ICA1: variants seen among roughly 807,000 people sequenced by gnomAD.
ICA1 encodes islet cell autoantigen 1.
Under a neutral mutation model 71.0 loss-of-function variants are expected in ICA1, and 40 were observed. The observed-to-expected ratio is 0.56, with a 90% CI of 0.44 to 0.73. ICA1 has a LOEUF of 0.73. ICA1 is among the 30% of genes least tolerant of loss of function. The probability of loss-of-function intolerance (pLI) is 0.00; values close to 1 mark genes in which losing one functional copy is unlikely to be tolerated. For missense variants in ICA1, 578 were observed against 576.5 expected, an observed-to-expected ratio of 1.00 and a Z score of -0.03; for synonymous variants, 207 against 209.5, an observed-to-expected ratio of 0.99 and a Z score of 0.10.
At chr7:8,256,521 C>T (rs2128550823) in intron 1 of ICA1, among the ~76,000 whole-genome samples, 1 of 152,278 alleles carries the variant, frequency 6.6e-6, no homozygotes, top group South Asian at 2.1e-4. Flanking sequence ...GATTGCCTAA[C>T]TTAGAATTTA....
chr7:8,197,906 G>C (rs143066653), intron 6 of ICA1, among the ~76,000 whole-genome samples: 1 of 152,300 alleles, frequency 6.6e-6, no homozygotes, highest in East Asian at 1.9e-4. Context: ...TTTGGAAGTG[G>C]AAGTGATAGG....
At chr7:8,252,015 A>G (rs1393101485) in intron 1 of ICA1, among the ~76,000 whole-genome samples, 2 of 152,216 alleles carry the variant, frequency 1.3e-5, no homozygotes, top group African/African-American at 4.8e-5. Flanking sequence ...ACAAACCTAA[A>G]AGAAATCTAG....
intron 1 of ICA1, among the ~76,000 whole-genome samples, chr7:8,258,498 T>C (rs1327280771): frequency 6.6e-6 from 1 of 152,324 alleles, no homozygotes; most frequent in Admixed American, 6.5e-5. Context: ...GAACTGCCAC[T>C]TCTCAGACAC....
chr7:8,237,631 T>C (rs1320507548), intron 1 of ICA1, among the ~76,000 whole-genome samples: 1 of 152,142 alleles, frequency 6.6e-6, no homozygotes, highest in African/African-American at 2.4e-5. Flanking sequence ...ACTATTCTAG[T>C]TTCTGATTCT....
intron 8 of ICA1, among the ~76,000 whole-genome samples, chr7:8,154,359 C>T (rs548496208): frequency 1.3e-5 from 2 of 152,198 alleles, no homozygotes; most frequent in Admixed American, 1.3e-4. Context: ...ACTTGTCCCT[C>T]CAAACAGGAT....
chr7:8,142,804 C>T (rs563799884), intron 9 of ICA1, among the ~76,000 whole-genome samples: 31 of 152,164 alleles, frequency 2.0e-4, no homozygotes, highest in Non-Finnish European at 4.3e-4. Context: ...ATTACCATCA[C>T]CAGGAATGGG....
chr7:8,201,485 A>C (rs1789661942), intron 6 of ICA1, among the ~76,000 whole-genome samples: 3 of 152,262 alleles, frequency 2.0e-5, no homozygotes, highest in South Asian at 4.1e-4. Context: ...ACTTTGTCTC[A>C]GGGAGGAAAA....
At chr7:8,145,120 TA>T (rs1796440131) in intron 8 of ICA1, among the ~76,000 whole-genome samples, 1 of 152,224 alleles carries the variant, frequency 6.6e-6, no homozygotes, top group African/African-American at 2.4e-5. Context: ...GTAATTTTCC[TA>T]AAACACCCAC....
At chr7:8,116,993 G>C (rs1785003494) in intron 13 of ICA1, among the ~76,000 whole-genome samples, 1 of 152,196 alleles carries the variant, frequency 6.6e-6, no homozygotes, top group African/African-American at 2.4e-5. Flanking sequence ...TCAAGGGAGA[G>C]ACTAGGTGGA....
At chr7:8,260,212 C>A (rs1320876239) in intron 1 of ICA1, among the ~76,000 whole-genome samples, 3 of 152,138 alleles carry the variant, frequency 2.0e-5, no homozygotes, top group Admixed American at 2.0e-4. Flanking sequence ...ACCGCTAATG[C>A]TGCTTGCACC....
At chr7:8,238,863 T>A (rs1005171489) in intron 1 of ICA1, among the ~76,000 whole-genome samples, 1 of 152,208 alleles carries the variant, frequency 6.6e-6, no homozygotes, top group Admixed American at 6.5e-5. Flanking sequence ...GATACTAATA[T>A]ACAGAATCCT....
intron 1 of ICA1, among the ~76,000 whole-genome samples, chr7:8,260,662 G>C (rs918727822): frequency 6.6e-6 from 1 of 152,160 alleles, no homozygotes; most frequent in Non-Finnish European, 1.5e-5. Context: ...AGTGATATTT[G>C]AGCTATTCAG....
chr7:8,163,276 C>G (rs550405018), intron 6 of ICA1, among the ~76,000 whole-genome samples: 53 of 152,248 alleles, frequency 3.5e-4, no homozygotes, highest in Non-Finnish European at 6.5e-4. Flanking sequence ...TCAGTTCAAT[C>G]TGGCTTTTCT....
intron 1 of ICA1, among the ~76,000 whole-genome samples, chr7:8,250,724 A>G (rs568279578): frequency 1.3e-5 from 2 of 152,328 alleles, no homozygotes; most frequent in East Asian, 3.9e-4. Context: ...GTAAATGTGA[A>G]ATGGGATCAT....
intron 10 of ICA1, among the ~76,000 whole-genome samples, chr7:8,139,918 A>C (rs574776011): frequency 1.3e-5 from 2 of 152,360 alleles, no homozygotes; most frequent in African/African-American, 4.8e-5. Context: ...CCTTTCTGCA[A>C]GTCACAGAAT....
chr7:8,113,858 C>T lies in ICA1; in HGVS notation c.*65G>A. On this transcript the variant is annotated 3_prime_UTR_variant, in exon 14 of 14. Transcript: ENST00000402384. This position sits in a 1 kb window ranked among gnomAD's most constrained non-coding sequence, Gnocchi z 4.2. ...AAAACAGCATACTGATCACTTTATA[C>T]TTCTGCTAGCCCCCAGGGGAGCTGC... 5 of 1,576,370 alleles carry T rather than the reference C, an allele frequency of 3.2e-6. No individual in the cohort carries two copies. The highest frequency in any genetic ancestry group is 4.4e-6 in the Non-Finnish European group (5 of 1,146,372).
intron 6 of ICA1, among the ~76,000 whole-genome samples, chr7:8,163,442 A>G (rs902107030): frequency 6.6e-6 from 1 of 152,234 alleles, no homozygotes; most frequent in Non-Finnish European, 1.5e-5. Context: ...AAATCCATTC[A>G]TTCAGCAAAT....
At chr7:8,197,574 A>AAAT (rs56773343) in intron 6 of ICA1, among the ~76,000 whole-genome samples, 19,627 of 129,312 alleles carry the variant, frequency 0.15, 1,765 homozygotes, top group African/African-American at 0.24. Context: ...AAGAAAGAAG[A>AAAT]AATAATAATA....
intron 3 of ICA1, 137 bp from the exon 4 acceptor site, chr7:8,228,810 T>C (rs577325235): frequency 1.8e-5 from 9 of 500,894 alleles, no homozygotes; most frequent in Non-Finnish European, 2.8e-5. Context: ...TGTTATGCGG[T>C]GTACTATACA....
Sources: allele counts gnomAD v4.1 joint callset (sites outside exome capture counted in the v4.1 genomes callset), GRCh38; gene constraint gnomAD v4.1.1; non-coding constraint Gnocchi (gnomAD v3.1); transcripts MANE v1.5; gene names NCBI Gene and HGNC (gene_info 2026-07-23, HGNC 2026-07-21).